The following GRID1 variants were observed in gnomAD, a reference collection of about 807,000 sequenced individuals.
GRID1 encodes the protein glutamate ionotropic receptor delta type subunit 1, also known as glutamate receptor ionotropic, delta-1.
In GRID1, 28 loss-of-function variants were observed where a neutral mutation model predicts 98.0. That is an observed-to-expected ratio of 0.29 (90% confidence interval 0.21 to 0.39). The LOEUF is 0.39. Among genes scored for constraint, GRID1 ranks in the 10% least tolerant of loss-of-function variants. The pLI, the probability that GRID1 is intolerant of heterozygous loss-of-function variation, is 1.00. For synonymous variants in GRID1, 553 were observed against 538.5 expected, an observed-to-expected ratio of 1.03 and a Z score of -0.37; for missense variants, 1,111 against 1,340.5, an observed-to-expected ratio of 0.83 and a Z score of 2.67.
At chr10:86,330,842 A>C (rs1214525673) in intron 2 of GRID1, among the ~76,000 whole-genome samples, 1 of 152,232 alleles carries the variant, frequency 6.6e-6, no homozygotes, top group South Asian at 2.1e-4. Flanking sequence ...GACCTGGTAC[A>C]ACTGCCCTGG....
At chr10:86,361,312 A>G (rs2132123292) in intron 2 of GRID1, among the ~76,000 whole-genome samples, 1 of 152,232 alleles carries the variant, frequency 6.6e-6, no homozygotes, top group Non-Finnish European at 1.5e-5. Context: ...AGGTCACAAG[A>G]TAACAATGGA....
At chr10:85,924,226 TG>T (rs1841745068) in intron 4 of GRID1, among the ~76,000 whole-genome samples, 1 of 152,224 alleles carries the variant, frequency 6.6e-6, no homozygotes, top group Non-Finnish European at 1.5e-5. Flanking sequence ...TTGCTTTGCA[TG>T]GTGCATGGTA....
chr10:85,877,373 C>T (rs1368553393), intron 5 of GRID1, among the ~76,000 whole-genome samples: 2 of 152,232 alleles, frequency 1.3e-5, no homozygotes, highest in African/African-American at 2.4e-5. Flanking sequence ...AGACTGACAC[C>T]TCACAGGGCT....
chr10:85,938,654 A>G (rs922737458), intron 4 of GRID1, among the ~76,000 whole-genome samples: 1 of 152,178 alleles, frequency 6.6e-6, no homozygotes, highest in Non-Finnish European at 1.5e-5. Context: ...GAAAATATAC[A>G]AAAGGCTCTC....
intron 8 of GRID1, among the ~76,000 whole-genome samples, chr10:85,826,251 C>G (rs1342881159): frequency 6.6e-6 from 1 of 152,188 alleles, no homozygotes; most frequent in Non-Finnish European, 1.5e-5. Flanking sequence ...AGGAGAATCG[C>G]TTGAACCCTG....
intron 8 of GRID1, among the ~76,000 whole-genome samples, chr10:85,852,017 C>T (rs1001969877): frequency 4.6e-5 from 7 of 152,156 alleles, no homozygotes; most frequent in Non-Finnish European, 8.8e-5. Flanking sequence ...TGCCCTACCC[C>T]CATGATACGG....
chr10:85,663,978 C>T (rs892269634), intron 12 of GRID1, among the ~76,000 whole-genome samples: 1 of 152,118 alleles, frequency 6.6e-6, no homozygotes, highest in Admixed American at 6.5e-5. Context: ...AAAGAGACAC[C>T]TCCCAGAGTA....
chr10:85,945,922 A>T (rs1390768156), intron 4 of GRID1, among the ~76,000 whole-genome samples: 2 of 152,222 alleles, frequency 1.3e-5, no homozygotes, highest in Non-Finnish European at 2.9e-5. Context: ...CATTTTCAAA[A>T]TGCTCTCTTG....
At chr10:85,870,128 C>T (rs952763333) in intron 5 of GRID1, among the ~76,000 whole-genome samples, 1 of 152,154 alleles carries the variant, frequency 6.6e-6, no homozygotes, top group African/African-American at 2.4e-5. Flanking sequence ...GAGAGGCAGA[C>T]CCGCCCTCAA....
chr10:86,138,382 G>A (rs969099046), intron 4 of GRID1, among the ~76,000 whole-genome samples: 3 of 152,108 alleles, frequency 2.0e-5, no homozygotes, highest in Non-Finnish European at 2.9e-5. Context: ...ATCCTTCAAC[G>A]ATAGGCAAAG....
chr10:85,907,356 C>T (rs974817273), intron 5 of GRID1, among the ~76,000 whole-genome samples: 2 of 152,114 alleles, frequency 1.3e-5, no homozygotes, highest in Admixed American at 6.5e-5. Context: ...AAGTGATGTG[C>T]CTGCCTCGGC....
chr10:85,855,546 C>A (rs1187198420), intron 7 of GRID1, among the ~76,000 whole-genome samples: 1 of 152,200 alleles, frequency 6.6e-6, no homozygotes, highest in Non-Finnish European at 1.5e-5. Context: ...TCCCTAAATG[C>A]TCTTTTGAAG....
intron 4 of GRID1, among the ~76,000 whole-genome samples, chr10:86,002,048 T>A (rs1842807921): frequency 6.6e-6 from 1 of 152,196 alleles, no homozygotes; most frequent in Non-Finnish European, 1.5e-5. Context: ...TTTGTGCATG[T>A]CTGTCTTCAA....
chr10:86,355,965 A>T (rs1430042125), intron 2 of GRID1, among the ~76,000 whole-genome samples: 1 of 152,214 alleles, frequency 6.6e-6, no homozygotes, highest in Non-Finnish European at 1.5e-5. Context: ...GACTTGCCAA[A>T]GTCCAGCTAC....
At chr10:86,204,409 C>A (rs1845996408) in intron 3 of GRID1, among the ~76,000 whole-genome samples, 1 of 152,216 alleles carries the variant, frequency 6.6e-6, no homozygotes, top group South Asian at 2.1e-4. Flanking sequence ...GACTAGCCCT[C>A]ATGAGAGTCA....
intron 2 of GRID1, among the ~76,000 whole-genome samples, chr10:86,226,674 G>C (rs1396471357): frequency 7.3e-6 from 1 of 136,588 alleles, no homozygotes; most frequent in African/African-American, 2.9e-5. Flanking sequence ...TTTCCCATTG[G>C]AGTGGGGTGT....
intron 3 of GRID1, among the ~76,000 whole-genome samples, chr10:86,205,273 G>C (rs1589410026): frequency 6.6e-6 from 1 of 152,200 alleles, no homozygotes; most frequent in East Asian, 1.9e-4. Context: ...GACTTTTGAA[G>C]GTCCACCCAT....
At chr10:86,349,634 G>A (rs368186783) in intron 2 of GRID1, among the ~76,000 whole-genome samples, 26 of 152,354 alleles carry the variant, frequency 1.7e-4, no homozygotes, top group African/African-American at 6.0e-4. Flanking sequence ...CAGGAGGGAA[G>A]GGCTAGCACA....
chr10:86,043,096 A>C (rs1843370562), intron 4 of GRID1, among the ~76,000 whole-genome samples: 1 of 152,132 alleles, frequency 6.6e-6, no homozygotes, highest in South Asian at 2.1e-4. Context: ...TTCCAAAAAA[A>C]AAGAAAGTGT....
Sources: gnomAD v4.1 joint callset for allele counts (sites outside exome capture counted in the v4.1 genomes callset) on GRCh38, gnomAD v4.1.1 for gene constraint, MANE v1.5 for transcripts, NCBI Gene and HGNC (gene_info 2026-07-23, HGNC 2026-07-21) for gene names.